The following ZNF280D variants were observed in gnomAD, a reference collection of about 807,000 sequenced individuals.
ZNF280D encodes the protein suppressor of hairy wing homolog 4.
A neutral mutation model predicts 94.7 loss-of-function variants in ZNF280D; 39 were observed. That is an observed-to-expected ratio of 0.41 (90% CI 0.32 to 0.54). The LOEUF (loss-of-function observed/expected upper bound fraction) is 0.54. Among genes scored for constraint, ZNF280D ranks in the 20% least tolerant of loss-of-function variants. ZNF280D has a pLI of 0.22. For synonymous variants in ZNF280D, 398 were observed against 377.6 expected, an observed-to-expected ratio of 1.05 and a Z score of -0.63; for missense variants, 1,090 against 1,149.3, an observed-to-expected ratio of 0.95 and a Z score of 0.75.
intron 1 of ZNF280D, among the ~76,000 whole-genome samples, chr15:56,718,026 A>C (rs1406981648): frequency 6.6e-6 from 1 of 152,084 alleles, no homozygotes; most frequent in Non-Finnish European, 1.5e-5. Flanking sequence ...CCCTTCAAGA[A>C]CCCTTCCAAC....
chr15:56,726,106 G>GA (rs1171143084), intron 1 of ZNF280D, among the ~76,000 whole-genome samples: 6 of 148,052 alleles, frequency 4.1e-5, no homozygotes, highest in African/African-American at 9.9e-5. Context: ...AAAGGTTTAA[G>GA]AAAAAAAAAC....
chr15:56,653,888 A>G (rs2053361511), intron 19 of ZNF280D: 12 of 1,244,268 alleles, frequency 9.6e-6, no homozygotes, highest in Non-Finnish European at 1.2e-5. Flanking sequence ...ATAAGGTGGA[A>G]TAAGAATCTA....
chr15:56,714,630 T>C (rs151319576), intron 1 of ZNF280D, among the ~76,000 whole-genome samples: 5 of 152,198 alleles, frequency 3.3e-5, no homozygotes, highest in Non-Finnish European at 5.9e-5. Flanking sequence ...AATAAAAAGA[T>C]AGAGCAATGA....
chr15:56,669,997 T>A (rs865980799), intron 13 of ZNF280D, among the ~76,000 whole-genome samples: 48 of 668 alleles, frequency 0.072, 7 homozygotes, highest in South Asian at 0.12. Flanking sequence ...TATATATATA[T>A]TATATATATA....
intron 13 of ZNF280D, among the ~76,000 whole-genome samples, chr15:56,670,580 C>A (rs1229251135): frequency 6.6e-6 from 1 of 152,010 alleles, no homozygotes; most frequent in African/African-American, 2.4e-5. Context: ...TTTTTTTCAT[C>A]CAGTCCACCA....
intron 6 of ZNF280D, among the ~76,000 whole-genome samples, chr15:56,696,121 TAGTAGGCAG>T (rs2056732331): frequency 6.6e-6 from 1 of 152,224 alleles, no homozygotes; most frequent in Admixed American, 6.5e-5. Flanking sequence ...ATTTGAGGCC[TAGTAGGCAG>T]ATGTAGGTAT....
chr15:56,658,837 C>T lies in ZNF280D; in HGVS notation c.1995-351G>A, dbSNP rs532421065. 2.6e-5 allele frequency among the ~76,000 whole-genome samples: 4 copies of T among 152,134 alleles called. No individual in the cohort carries two copies. The South Asian group carries it at 6.2e-4, about 24-fold the overall frequency. ...CAATTCTAAATTTTTGTTAATAACA[C>T]GTGTGCTACAATATGAAGTTATTAA... On this transcript the variant is annotated intron_variant, in intron 16 of 21. Transcript: ENST00000267807.
intron 20 of ZNF280D, among the ~76,000 whole-genome samples, chr15:56,640,808 T>TA (rs753042164): frequency 7.9e-5 from 12 of 152,148 alleles, no homozygotes; most frequent in Non-Finnish European, 1.6e-4. Context: ...CAAAATATGT[T>TA]AAGAAGGTTT....
rs572556454 is a variant in ZNF280D at position 56,722,317 on chromosome 15, A to G, written c.-86+11141T>C. 1.1e-4 allele frequency among the ~76,000 whole-genome samples: 16 copies of G among 152,328 alleles called. No individual in the cohort carries two copies. In the South Asian group the frequency reaches 1.9e-3, roughly 18 times the overall value. On this transcript the variant is annotated intron_variant, in intron 1 of 21. Transcript: ENST00000267807. ...AGACAAGAAGTGCTCACGCTGTTGG[A>G]AAAATGGCTGAGATAGACTTGCTCA...
chr15:56,714,537 A>G (rs1399844034), intron 1 of ZNF280D, among the ~76,000 whole-genome samples: 7 of 152,220 alleles, frequency 4.6e-5, no homozygotes, highest in African/African-American at 1.7e-4. Flanking sequence ...GTTGGAATTC[A>G]GTCTTGAAAG....
chr15:56,660,734 A>C (rs192298371), intron 16 of ZNF280D, among the ~76,000 whole-genome samples: 11 of 152,256 alleles, frequency 7.2e-5, no homozygotes, highest in Admixed American at 6.5e-4. Flanking sequence ...AAAACTCATT[A>C]AGCAATTCTC....
chr15:56,655,410 G>A (rs769543081), intron 17 of ZNF280D, among the ~76,000 whole-genome samples: 3 of 148,170 alleles, frequency 2.0e-5, no homozygotes, highest in Non-Finnish European at 4.5e-5. Flanking sequence ...GTTTCACCAT[G>A]TTGGTCAGGC....
intron 10 of ZNF280D, among the ~76,000 whole-genome samples, chr15:56,679,328 T>C (rs980854053): frequency 6.6e-6 from 1 of 152,230 alleles, no homozygotes; most frequent in South Asian, 2.1e-4. Context: ...TTCCAGCTAC[T>C]TAAATGACAA....
At chr15:56,725,166 A>G (rs1435133050) in intron 1 of ZNF280D, among the ~76,000 whole-genome samples, 1 of 152,178 alleles carries the variant, frequency 6.6e-6, no homozygotes, top group East Asian at 1.9e-4. Flanking sequence ...CAAAGGGCAA[A>G]TTAGTTCATA....
intron 1 of ZNF280D, among the ~76,000 whole-genome samples, chr15:56,720,612 C>G (rs2058304881): frequency 6.6e-6 from 1 of 152,154 alleles, no homozygotes; most frequent in Non-Finnish European, 1.5e-5. Flanking sequence ...TAATCTACAG[C>G]AGTTACACCC....
chr15:56,706,461 G>A lies in ZNF280D; in HGVS notation c.28+621C>T, dbSNP rs569333086. On this transcript the variant is annotated intron_variant, in intron 3 of 21. Coordinates refer to ENST00000267807, the MANE Select transcript of ZNF280D (RefSeq NM_017661.4). ...CCACTGCACTCCAGCCTGGGTGACAGAGTGAGAATCTGTCTCAAAACAAAC... is the reference window on the plus strand; with the variant it reads ...CCACTGCACTCCAGCCTGGGTGACAAAGTGAGAATCTGTCTCAAAACAAAC... 2.8e-4 allele frequency among the ~76,000 whole-genome samples: 43 copies of A among 152,092 alleles called. No individual in the cohort carries two copies. The South Asian group carries it at 8.1e-3, about 29-fold the overall frequency.
chr15:56,732,043 A>C (rs2058919076), intron 1 of ZNF280D, among the ~76,000 whole-genome samples: 1 of 152,292 alleles, frequency 6.6e-6, no homozygotes, highest in South Asian at 2.1e-4. Flanking sequence ...GCAACTGAGT[A>C]ATGTTTCTTA....
chr15:56,668,168 T>C (rs953760485), intron 14 of ZNF280D: 1 of 454,700 alleles, frequency 2.2e-6, no homozygotes. Context: ...CAAAAATAAA[T>C]GTTTTGGGGA....
At chr15:56,732,603 A>G (rs2058947703) in intron 1 of ZNF280D, 1 of 147,526 alleles carries the variant, frequency 6.8e-6, no homozygotes, top group African/African-American at 2.5e-5. Flanking sequence ...AAGATGACAG[A>G]TTTTTTTTTT....
Sources: allele counts gnomAD v4.1 joint callset (sites outside exome capture counted in the v4.1 genomes callset), GRCh38; gene constraint gnomAD v4.1.1; transcripts MANE v1.5; gene names NCBI Gene and HGNC (gene_info 2026-07-23, HGNC 2026-07-21).